TEX264: variants seen among roughly 807,000 people sequenced by gnomAD.
TEX264 encodes the protein testis expressed 264, ER-phagy receptor.
In TEX264, 13 loss-of-function variants were observed where a neutral mutation model predicts 23.4. The observed-to-expected ratio is 0.56, with a 90% CI of 0.36 to 0.88. TEX264 has a LOEUF of 0.88. Ranked by LOEUF, TEX264 falls within the 40% of genes least tolerant of loss-of-function variation. The pLI is 0.01. For missense variants in TEX264, 340 were observed against 406.8 expected (o/e 0.84, Z 1.41); for synonymous variants, 159 against 170.0 (o/e 0.94, Z 0.50).
chr3:51,697,722 C>T (rs1039350284), intron 3 of TEX264, among the ~76,000 whole-genome samples: 2 of 152,228 alleles, frequency 1.3e-5, no homozygotes, highest in African/African-American at 4.8e-5. Context: ...CAGAGCCTGA[C>T]AGCTCCTGCT....
intron 3 of TEX264, among the ~76,000 whole-genome samples, chr3:51,693,849 C>G (rs1344824238): frequency 6.6e-6 from 1 of 152,150 alleles, no homozygotes; most frequent in Non-Finnish European, 1.5e-5. Flanking sequence ...ACCTTTGTGA[C>G]TTAATGTTTG....
intron 4 of TEX264, 140 bp downstream of exon 4, chr3:51,699,714 A>T: frequency 1.1e-6 from 1 of 925,562 alleles, no homozygotes; most frequent in Non-Finnish European, 1.6e-6. Flanking sequence ...GAGGAAGGAG[A>T]CCCACCTACC....
chr3:51,678,663 A>G lies in TEX264; in HGVS notation c.258+4101A>G, dbSNP rs149089066. Among the ~76,000 whole-genome samples, 398 of 152,282 alleles carry G rather than the reference A, an allele frequency of 2.6e-3. 2 individuals carry two copies. The highest frequency in any genetic ancestry group is 6.8e-3 in the Middle Eastern group (2 of 294). ...TTGAAGCCCCCTTTCCCTTAGTCCA[A>G]TGAGAACCAAGGCCCAGGGCCACTA... is the stretch of plus-strand genomic sequence containing the variant. On this transcript the variant is annotated intron_variant, in intron 2 of 4. Coordinates refer to ENST00000341333, the MANE Select transcript of TEX264 (RefSeq NM_015926.6).
chr3:51,703,827 C>T lies in TEX264; in HGVS notation c.753C>T (p.Gly251=), dbSNP rs751692661. 1 of 1,612,760 alleles carries T rather than the reference C, an allele frequency of 6.2e-7. No homozygotes were observed. Among genetic ancestry groups the T allele is most frequent in the Non-Finnish European group, 8.5e-7 (1 of 1,179,088 alleles). ...ATLSPGASSR[G]WDDGDTRSEH... Reference sequence around the variant, plus strand: ...TGTCACCTGGGGCGAGCAGCCGTGGCTGGGATGACGGTGACACCCGCAGCG... The same window carrying T: ...TGTCACCTGGGGCGAGCAGCCGTGGTTGGGATGACGGTGACACCCGCAGCG... Residue 251 remains glycine, a synonymous_variant, in exon 5 of 5, where the codon GGC becomes GGT. Transcript: ENST00000341333. The surrounding 1 kb of genome is among the most constrained non-coding windows in gnomAD (Gnocchi z 4.8).
intron 4 of TEX264, among the ~76,000 whole-genome samples, chr3:51,700,554 C>CAGGT (rs1164653429): frequency 6.6e-6 from 1 of 152,108 alleles, no homozygotes; most frequent in Non-Finnish European, 1.5e-5. Flanking sequence ...AGACACTCTT[C>CAGGT]AGTGCCCCTA....
chr3:51,703,866 C>T lies in TEX264; in HGVS notation c.792C>T (p.Ser264=), dbSNP rs555183400. ...DGDTRSEHSY[S]ESGASGSSFE... ...ACACCCGCAGCGAGCACAGCTACAG[C>T]GAGTCAGGTGCCAGCGGCTCCTCTT... Residue 264 remains serine (S), a synonymous_variant, in exon 5 of 5, where the codon AGC becomes AGT. Coordinates refer to ENST00000341333, the MANE Select transcript of TEX264 (RefSeq NM_015926.6). The surrounding 1 kb of genome is among the most constrained non-coding windows in gnomAD (Gnocchi z 4.8). 2.4e-5 allele frequency: 39 copies of T among 1,612,358 alleles called. No individual in the cohort carries two copies. Among genetic ancestry groups the T allele is most frequent in the Middle Eastern group, 1.7e-4 (1 of 6,060 alleles).
chr3:51,671,457 G>GGGCCT lies in TEX264; in HGVS notation c.-35+172_-35+176dup, dbSNP rs1334093112. The GGGCCT allele has an allele frequency of 1.6e-4, 25 of 154,404 alleles. 1 individual carries two copies. The highest frequency in any genetic ancestry group is 6.2e-4 in the Middle Eastern group (1 of 1,610). The allele number at this position is 154,404 out of a possible 1,614,324, so 9.6% of individuals were successfully genotyped here. A position where few individuals can be genotyped will look rare whatever the true frequency, so the allele number is the denominator to read the frequency against. The stretch of plus-strand genomic sequence containing the variant: ...CACAGCTGGCCTCGGCCAGGTCCGA[G>GGGCCT]GGCCTGGATGCGACCTTGGGGCAGC... On this transcript the variant is annotated intron_variant, in intron 1 of 4. Transcript: ENST00000341333.
At chr3:51,681,654 G>GT (rs1702432714) in intron 2 of TEX264, 2 of 152,578 alleles carry the variant, frequency 1.3e-5, no homozygotes, top group South Asian at 4.1e-4. Flanking sequence ...ATAGTTTCAT[G>GT]TGGGTGTGTG....
Position 51,704,270 on chromosome 3 carries a change from A to G in TEX264, c.*254A>G, listed in dbSNP as rs890182699. On this transcript the variant is annotated 3_prime_UTR_variant, in exon 5 of 5. Transcript: ENST00000341333. ...TGTTGTGTCTTTTTTTCAGACTCAC[A>G]GTGGAGCTTCCAGGACCCAGAATAA... 5.7e-6 allele frequency: 2 copies of G among 353,812 alleles called. No individual in the cohort carries two copies. The highest frequency in any genetic ancestry group is 1.0e-5 in the Non-Finnish European group (2 of 197,210). The allele number at this position is 353,812 out of a possible 1,614,324, so 21.9% of individuals were successfully genotyped here. A position where few individuals can be genotyped will look rare whatever the true frequency, so the allele number is the denominator to read the frequency against.
chr3:51,695,425 G>T (rs947093341), intron 3 of TEX264, among the ~76,000 whole-genome samples: 1 of 152,212 alleles, frequency 6.6e-6, no homozygotes, highest in Non-Finnish European at 1.5e-5. Context: ...TTCGTCCTGG[G>T]CCTGACCTCT....
Position 51,686,253 on chromosome 3 carries a change from T to C in TEX264, c.480+1619T>C, listed in dbSNP as rs986162062. On this transcript the variant is annotated intron_variant, in intron 3 of 4. Transcript: ENST00000341333. This position sits in a 1 kb window ranked among gnomAD's most constrained non-coding sequence, Gnocchi z 4.1. ...GGGACCAGGTAGGCAGTGGACAGCC[T>C]GTGGCAGCAAAGGCTGCGCAGAGGG... Among the ~76,000 whole-genome samples, 7 of 152,142 alleles carry C rather than the reference T, an allele frequency of 4.6e-5. No homozygotes were observed. The highest frequency in any genetic ancestry group is 3.9e-4 in the Admixed American group (6 of 15,288).
chr3:51,677,369 GCTGCCTCC>G (rs1702266448), intron 2 of TEX264, among the ~76,000 whole-genome samples: 2 of 152,132 alleles, frequency 1.3e-5, no homozygotes, highest in Non-Finnish European at 2.9e-5. Context: ...TGTCCCCTAG[GCTGCCTCC>G]ACCAGCAGTG....
intron 3 of TEX264, among the ~76,000 whole-genome samples, chr3:51,687,558 CT>C (rs1337638210): frequency 6.6e-6 from 1 of 152,214 alleles, no homozygotes; most frequent in Non-Finnish European, 1.5e-5. Context: ...TGTGTACACC[CT>C]TCTTTTTCTC....
chr3:51,672,888 A>G (rs1475142817), intron 1 of TEX264, among the ~76,000 whole-genome samples: 1 of 152,232 alleles, frequency 6.6e-6, no homozygotes, highest in Non-Finnish European at 1.5e-5. Context: ...ATTATCAAAG[A>G]AAATTGGAAT....
rs1419680749 is a variant in TEX264, at chr3:51,674,451, C to T, written c.147C>T (p.Ala49=). ...GSPPIRNVTV[A]YKFHMGLYGE... ...CCCCCATCCGCAACGTCACTGTGGC[C>T]TACAAGTTCCACATGGGGCTCTATG... Residue 49 remains alanine, a synonymous_variant, in exon 2 of 5, where the codon GCC becomes GCT. Coordinates refer to ENST00000341333, the MANE Select transcript of TEX264 (RefSeq NM_015926.6). The T allele has an allele frequency of 1.2e-6, 2 of 1,614,208 alleles. No individual in the cohort carries two copies. The highest frequency in any genetic ancestry group is 4.5e-5 in the East Asian group (2 of 44,890).
chr3:51,689,886 G>A (rs1702767259), intron 3 of TEX264, among the ~76,000 whole-genome samples: 1 of 152,200 alleles, frequency 6.6e-6, no homozygotes, highest in Non-Finnish European at 1.5e-5. Context: ...GTGACTGATT[G>A]GAAGCTGGAC....
At chr3:51,688,751 G>A (rs951558229) in intron 3 of TEX264, among the ~76,000 whole-genome samples, 2 of 152,140 alleles carry the variant, frequency 1.3e-5, no homozygotes, top group East Asian at 1.9e-4. Context: ...AGGGGTCACC[G>A]AATATAGTGA....
At chr3:51,687,898 C>G (rs1388361671) in intron 3 of TEX264, among the ~76,000 whole-genome samples, 1 of 152,218 alleles carries the variant, frequency 6.6e-6, no homozygotes, top group African/African-American at 2.4e-5. Context: ...TCTCGGGATT[C>G]TGGAAGGGAT....
At chr3:51,694,081 G>GTCCTTCCTTCCTTCCTTCCTTCCTTCCT (rs1194968123) in intron 3 of TEX264, among the ~76,000 whole-genome samples, 5 of 56,762 alleles carry the variant, frequency 8.8e-5, no homozygotes, top group African/African-American at 1.5e-4. Context: ...CCTTCCTTCC[G>GTCCTTCCTTCCTTCCTTCCTTCCTTCCT]TCCGTCCTTC....
Sources: allele counts gnomAD v4.1 joint callset (sites outside exome capture counted in the v4.1 genomes callset), GRCh38; gene constraint gnomAD v4.1.1; non-coding constraint Gnocchi (gnomAD v3.1); transcripts MANE v1.5; gene names NCBI Gene and HGNC (gene_info 2026-07-23, HGNC 2026-07-21).